The following PLCB1 variants were observed in gnomAD, a reference collection of about 807,000 sequenced individuals.
PLCB1 encodes the protein 1-phosphatidylinositol 4,5-bisphosphate phosphodiesterase beta-1.
A neutral mutation model predicts 161.8 loss-of-function variants in PLCB1; 46 were observed. That is an observed-to-expected ratio of 0.28 (90% CI 0.22 to 0.36). PLCB1 has a LOEUF of 0.36. Ranked by LOEUF, PLCB1 falls within the 10% of genes least tolerant of loss-of-function variation. The pLI, the probability that PLCB1 is intolerant of heterozygous loss-of-function variation, is 1.00. For synonymous variants in PLCB1, 517 were observed against 503.7 expected (o/e 1.03, Z -0.35); for missense variants, 1,016 against 1,472.5 (o/e 0.69, Z 5.07).
rs57237224 is a variant in PLCB1, at chr20:8,516,664, CATATATATATATATATATATATATAT to C, written c.247-111609_247-111584del. 4.7e-4 allele frequency among the ~76,000 whole-genome samples: 34 copies of C among 72,246 alleles called. No homozygotes were observed. The South Asian group carries it at 6.3e-3, about 13-fold the overall frequency. 47.4% of individuals were successfully genotyped at this position (72,246 alleles called of 152,430 possible). The stretch of plus-strand genomic sequence containing the variant: ...AAGGTTTTTATAGAAAATATAACAT[CATATATATATATATATATATATATAT>C]ATATATATATATATATATATGTATT... On this transcript the variant is annotated intron_variant, in intron 3 of 31. Transcript: ENST00000338037.
chr20:8,421,008 C>G (rs565713886), intron 3 of PLCB1, among the ~76,000 whole-genome samples: 2 of 152,284 alleles, frequency 1.3e-5, no homozygotes, highest in South Asian at 4.1e-4. Flanking sequence ...CCAACAAAGT[C>G]ATGTCTCTAG....
intron 3 of PLCB1, among the ~76,000 whole-genome samples, chr20:8,475,231 A>C (rs1005592974): frequency 1.3e-5 from 2 of 152,176 alleles, no homozygotes; most frequent in Non-Finnish European, 2.9e-5. Context: ...TCATTTGTTC[A>C]AAAGCCATTT....
At chr20:8,574,595 G>A (rs1025988472) in intron 3 of PLCB1, among the ~76,000 whole-genome samples, 7 of 152,172 alleles carry the variant, frequency 4.6e-5, no homozygotes, top group South Asian at 2.1e-4. Flanking sequence ...GAAGTATGTC[G>A]AAGGGAGGAA....
chr20:8,875,231 A>C (rs1484833876), intron 31 of PLCB1, among the ~76,000 whole-genome samples: 1 of 150,422 alleles, frequency 6.6e-6, no homozygotes, highest in Non-Finnish European at 1.5e-5. Context: ...TTTCTTTCTT[A>C]TGTTTTTCTG....
intron 3 of PLCB1, among the ~76,000 whole-genome samples, chr20:8,479,086 T>A (rs1008299279): frequency 1.3e-5 from 2 of 152,158 alleles, no homozygotes; most frequent in African/African-American, 4.8e-5. Flanking sequence ...AGTGCACATA[T>A]TCAAAATAAT....
At chr20:8,229,029 C>A (rs1212001120) in intron 2 of PLCB1, among the ~76,000 whole-genome samples, 1 of 152,066 alleles carries the variant, frequency 6.6e-6, no homozygotes, top group African/African-American at 2.4e-5. Context: ...AACAAATCCC[C>A]CCATGCACCC....
rs1300831281 is a variant in PLCB1, at chr20:8,600,429, G to A, written c.247-27865G>A. On this transcript the variant is annotated intron_variant, in intron 3 of 31. Transcript: ENST00000338037. ...GGCTGCTCGGGGGTCAGGGGTCAGG[G>A]ACCCACTTGAGGAGGCAGTCTGCCC... 4.5e-4 allele frequency among the ~76,000 whole-genome samples: 66 copies of A among 145,904 alleles called. No individual in the cohort carries two copies. In the East Asian group the frequency reaches 0.012, roughly 27 times the overall value.
chr20:8,735,572 T>A (rs1430016522), intron 19 of PLCB1, among the ~76,000 whole-genome samples: 1 of 152,250 alleles, frequency 6.6e-6, no homozygotes, highest in Non-Finnish European at 1.5e-5. Context: ...GCTCACATGA[T>A]GTTCTACCGT....
At chr20:8,730,152 C>T (rs966013508) in intron 18 of PLCB1, among the ~76,000 whole-genome samples, 1 of 151,890 alleles carries the variant, frequency 6.6e-6, no homozygotes, top group African/African-American at 2.4e-5. Flanking sequence ...TTCAGTGGAT[C>T]AGGTCAGGCT....
Position 8,797,385 on chromosome 20 carries a change from A to AT in PLCB1, c.3423+7132dup, listed in dbSNP as rs200540354. Among the ~76,000 whole-genome samples, 56 of 146,060 alleles carry AT rather than the reference A, an allele frequency of 3.8e-4. 1 individual carries two copies. Among genetic ancestry groups the AT allele is most frequent in the African/African-American group, 1.3e-3 (53 of 39,360 alleles). On this transcript the variant is annotated intron_variant, in intron 31 of 31. Transcript: ENST00000338037. ...CATGAAAGCAAATATGGCTTCTGTC[A>AT]TTTTTTTTCTTTCCTTCTAAGATTC...
intron 31 of PLCB1, among the ~76,000 whole-genome samples, chr20:8,835,783 A>C (rs1986254953): frequency 6.6e-6 from 1 of 151,676 alleles, no homozygotes. Flanking sequence ...AGACGACTCT[A>C]ACTTAAAATG....
chr20:8,667,479 C>G (rs1989842093), intron 9 of PLCB1, among the ~76,000 whole-genome samples: 1 of 152,178 alleles, frequency 6.6e-6, no homozygotes, highest in African/African-American at 2.4e-5. Flanking sequence ...CCTTTGCTTT[C>G]CTTTCCGTTA....
intron 3 of PLCB1, among the ~76,000 whole-genome samples, chr20:8,451,964 T>G (rs1396878478): frequency 6.6e-6 from 1 of 152,190 alleles, no homozygotes; most frequent in African/African-American, 2.4e-5. Flanking sequence ...GAAATTATTT[T>G]AGTTTTGACA....
rs143614888 is a variant in PLCB1, at chr20:8,174,866, T to G, written c.177+24495T>G. On this transcript the variant is annotated intron_variant, in intron 2 of 31. Transcript: ENST00000338037. ...GAGTTTGAGACCAGCCTGGCCAAGA[T>G]AGCAAATTCCATCCCTACAAAAAGT... Among the ~76,000 whole-genome samples the G allele has an allele frequency of 6.7e-3, 1,018 of 152,078 alleles. 6 individuals are homozygous for G. The highest frequency in any genetic ancestry group is 9.3e-3 in the Admixed American group (142 of 15,254).
chr20:8,631,759 T>G (rs945589227), intron 4 of PLCB1, among the ~76,000 whole-genome samples: 1 of 152,184 alleles, frequency 6.6e-6, no homozygotes, highest in East Asian at 1.9e-4. Context: ...TGGATCCTAT[T>G]CTTAACCACA....
intron 3 of PLCB1, among the ~76,000 whole-genome samples, chr20:8,588,114 C>T (rs959881816): frequency 6.6e-6 from 1 of 152,094 alleles, no homozygotes; most frequent in Non-Finnish European, 1.5e-5. Context: ...TTAATACATG[C>T]TTATTGAATA....
Position 8,516,707 on chromosome 20 carries a change from A to G in PLCB1, c.247-111587A>G, listed in dbSNP as rs559272251. Among the ~76,000 whole-genome samples, 32 of 77,376 alleles carry G rather than the reference A, an allele frequency of 4.1e-4. No individual in the cohort carries two copies. In the East Asian group the frequency reaches 4.6e-3, roughly 11 times the overall value. 50.8% of individuals were successfully genotyped at this position (77,376 alleles called of 152,430 possible). A position where few individuals can be genotyped will look rare whatever the true frequency, so the allele number is the denominator to read the frequency against. ...TATATATATATATATATATATATAT[A>G]TATGTATTCCATTTTGATGCTATAT... On this transcript the variant is annotated intron_variant, in intron 3 of 31. Transcript: ENST00000338037.
intron 3 of PLCB1, among the ~76,000 whole-genome samples, chr20:8,531,232 G>C: frequency 6.6e-6 from 1 of 152,158 alleles, no homozygotes; most frequent in East Asian, 1.9e-4. Flanking sequence ...ACAAAAGACC[G>C]TAATTCTCTG....
chr20:8,591,884 G>A (rs1379778346), intron 3 of PLCB1, among the ~76,000 whole-genome samples: 1 of 151,844 alleles, frequency 6.6e-6, no homozygotes, highest in Non-Finnish European at 1.5e-5. Context: ...GTACAGCTTG[G>A]GTATCCCATA....
Sources: gnomAD v4.1 joint callset for allele counts (sites outside exome capture counted in the v4.1 genomes callset) on GRCh38, gnomAD v4.1.1 for gene constraint, MANE v1.5 for transcripts, NCBI Gene and HGNC (gene_info 2026-07-23, HGNC 2026-07-21) for gene names.